UTRN: variants seen among roughly 807,000 people sequenced by gnomAD.
UTRN encodes dystrophin-related protein 1.
In UTRN, 283 loss-of-function variants were observed where a neutral mutation model predicts 463.9. The ratio of observed to expected loss-of-function variants is 0.61; its 90% CI spans 0.55 to 0.67. The LOEUF (loss-of-function observed/expected upper bound fraction) is 0.67, where lower values mean the gene tolerates loss of function less well. UTRN is among the 30% of genes least tolerant of loss of function. UTRN has a pLI of 0.00. For missense variants in UTRN, 3,922 were observed against 4,084.3 expected (o/e 0.96, Z 1.08); for synonymous variants, 1,442 against 1,431.5 (o/e 1.01, Z -0.17).
intron 2 of UTRN, among the ~76,000 whole-genome samples, chr6:144,306,541 C>G (rs1805756670): frequency 6.6e-6 from 1 of 152,004 alleles, no homozygotes; most frequent in Non-Finnish European, 1.5e-5. Flanking sequence ...TGAAGCCTTT[C>G]TTTCTAGGTT....
intron 65 of UTRN, among the ~76,000 whole-genome samples, chr6:144,809,007 T>G (rs1416901542): frequency 1.3e-5 from 2 of 152,146 alleles, no homozygotes; most frequent in East Asian, 3.8e-4. Flanking sequence ...GATTTTATTT[T>G]CTTTGGATAT....
At chr6:144,322,105 T>C (rs2114585344) in intron 2 of UTRN, among the ~76,000 whole-genome samples, 1 of 152,342 alleles carries the variant, frequency 6.6e-6, no homozygotes, top group South Asian at 2.1e-4. Context: ...GTGCTGAGCC[T>C]CTAACTCCAA....
In UTRN at chr6:144,742,999, GT is replaced by G. The variant is rs771137824; in HGVS notation, c.7940-5240del. On this transcript the variant is annotated intron_variant, in intron 54 of 74. Transcript: ENST00000367545. The stretch of plus-strand genomic sequence containing the variant: ...AGGTTGATCCTTCTATTTCACAATA[GT>G]TTTTTTGTAAGTGCTTTACACAGAT... Among the ~76,000 whole-genome samples, 47 of 152,260 alleles carry G rather than the reference GT, an allele frequency of 3.1e-4. 1 individual carries two copies. In the East Asian group the frequency reaches 5.2e-3, roughly 17 times the overall value.
intron 19 of UTRN, among the ~76,000 whole-genome samples, chr6:144,456,119 A>T (rs1234792133): frequency 6.6e-6 from 1 of 152,142 alleles, no homozygotes; most frequent in African/African-American, 2.4e-5. Flanking sequence ...TTTTTAGGAC[A>T]ACAGTGGGAA....
At chr6:144,291,025 C>T (rs1028928136) in intron 1 of UTRN, among the ~76,000 whole-genome samples, 4 of 151,794 alleles carry the variant, frequency 2.6e-5, no homozygotes, top group East Asian at 3.9e-4. Flanking sequence ...CCACCTGCCT[C>T]GGCCTCCCAA....
intron 60 of UTRN, among the ~76,000 whole-genome samples, chr6:144,775,800 G>T (rs984612119): frequency 1.3e-5 from 2 of 152,056 alleles, no homozygotes; most frequent in Admixed American, 1.3e-4. Context: ...AACACTTATG[G>T]GTGGATAAGC....
Position 144,577,212 on chromosome 6 carries a change from T to A in UTRN, c.7403T>A (p.Val2468Glu). The change falls in exon 51 of 75, where the codon GTG becomes GAG. Residue 2468 changes from valine to glutamate, a missense_variant. Val to Glu is a moderately radical substitution (Grantham distance 121). This residue lies in a region of UTRN where 1,309 missense variants were observed against 1,452.6 expected (regional missense o/e 0.90). Coordinates refer to ENST00000367545, the MANE Select transcript of UTRN (RefSeq NM_007124.3). Reference sequence around the variant, plus strand: ...CAAGAAGCAGAGACCACAGTGAATGTGCTTGTGGATGCCTCTCATCGGGAG... The same window carrying A: ...CAAGAAGCAGAGACCACAGTGAATGAGCTTGTGGATGCCTCTCATCGGGAG... ...WIQEAETTVN[V>E]LVDASHRENA... is the part of the protein sequence containing the mutation. 1 of 1,613,966 alleles carries A rather than the reference T, an allele frequency of 6.2e-7. No homozygotes were observed. The highest frequency in any genetic ancestry group is 8.5e-7 in the Non-Finnish European group (1 of 1,179,926).
intron 23 of UTRN, among the ~76,000 whole-genome samples, chr6:144,464,649 T>C (rs1045991108): frequency 2.0e-5 from 3 of 152,000 alleles, no homozygotes; most frequent in African/African-American, 4.8e-5. Flanking sequence ...TACAGGCACA[T>C]GCCACTATGC....
At chr6:144,840,055 G>T (rs1051332337) in intron 72 of UTRN, among the ~76,000 whole-genome samples, 14 of 152,040 alleles carry the variant, frequency 9.2e-5, no homozygotes, top group Non-Finnish European at 8.8e-5. Context: ...AGGCGTGGTG[G>T]AGCACTCCTG....
At chr6:144,751,517 G>T (rs916362825) in intron 55 of UTRN, among the ~76,000 whole-genome samples, 1 of 152,092 alleles carries the variant, frequency 6.6e-6, no homozygotes, top group African/African-American at 2.4e-5. Context: ...CCAGGACCCC[G>T]CATGTACCAA....
chr6:144,644,004 T>G lies in UTRN; in HGVS notation c.7480-34402T>G, dbSNP rs145756198. ...GAAAAAGGCAAAATCGATGGGAAAT[T>G]TTTCTTCTTAATATTGAATCACGTA... On this transcript the variant is annotated intron_variant, in intron 51 of 74. Coordinates refer to ENST00000367545, the MANE Select transcript of UTRN (RefSeq NM_007124.3). 5.0e-4 allele frequency among the ~76,000 whole-genome samples: 76 copies of G among 152,276 alleles called. 1 individual carries two copies. In the East Asian group the frequency reaches 0.013, roughly 27 times the overall value.
intron 53 of UTRN, among the ~76,000 whole-genome samples, chr6:144,714,572 A>G (rs1386745113): frequency 6.6e-6 from 1 of 152,166 alleles, no homozygotes; most frequent in African/African-American, 2.4e-5. Flanking sequence ...TGAGATTCTT[A>G]GTAATATTTG....
chr6:144,744,320 ATGTGTGTGTGTGTG>A lies in UTRN; in HGVS notation c.7940-3906_7940-3893del, dbSNP rs757430794. 6.5e-3 allele frequency among the ~76,000 whole-genome samples: 620 copies of A among 95,436 alleles called. 5 individuals are homozygous for A. The highest frequency in any genetic ancestry group is 0.024 in the African/African-American group (553 of 22,662). The allele number at this position is 95,436 out of a possible 152,430, so 62.6% of individuals were successfully genotyped here. A position where few individuals can be genotyped will look rare whatever the true frequency, so the allele number is the denominator to read the frequency against. On this transcript the variant is annotated intron_variant, in intron 54 of 74. Coordinates refer to ENST00000367545, the MANE Select transcript of UTRN (RefSeq NM_007124.3). ...ATGGTGTATACATATATATATATAT[ATGTGTGTGTGTGTG>A]TGTGTGTGTGTGTGTGTGTATAAAA...
At chr6:144,845,643 G>C (rs529583576) in intron 73 of UTRN, among the ~76,000 whole-genome samples, 50 of 152,270 alleles carry the variant, frequency 3.3e-4, no homozygotes, top group African/African-American at 1.1e-3. Flanking sequence ...TTTGTTACTT[G>C]CAAGAGAAGC....
chr6:144,516,706 C>A (rs879874014), intron 38 of UTRN, 105 bp from the exon 39 acceptor site: 5 of 890,114 alleles, frequency 5.6e-6, no homozygotes, highest in Non-Finnish European at 6.2e-6. Flanking sequence ...CATATCTTGA[C>A]GTATACTATA....
chr6:144,810,968 A>T (rs1778553279), intron 65 of UTRN, among the ~76,000 whole-genome samples: 1 of 152,200 alleles, frequency 6.6e-6, no homozygotes, highest in African/African-American at 2.4e-5. Context: ...GTTCAACTGT[A>T]TTCTTGTTGA....
intron 52 of UTRN, among the ~76,000 whole-genome samples, chr6:144,691,898 C>T (rs962875719): frequency 3.9e-5 from 6 of 151,918 alleles, no homozygotes; most frequent in Admixed American, 3.3e-4. Context: ...TTTTATTTAA[C>T]TTTTACTTTC....
intron 53 of UTRN, among the ~76,000 whole-genome samples, chr6:144,725,664 T>A (rs1586235802): frequency 6.6e-6 from 1 of 152,206 alleles, no homozygotes; most frequent in African/African-American, 2.4e-5. Flanking sequence ...GTTCACCAGG[T>A]GGTTGGGAAA....
Position 144,453,856 on chromosome 6 carries a change from G to A in UTRN, c.2271G>A (p.Glu757=), listed in dbSNP as rs781303432. ...ELNQTGQILV[E]QMGKEGLPTE... ...ACCAAACTGGACAAATCCTTGTGGA[G>A]CAAATGGGAAAAGGTAAGATCCTTG... The change falls in exon 19 of 75, where the codon GAG becomes GAA. Residue 757 remains glutamate, a synonymous_variant. Coordinates refer to ENST00000367545, the MANE Select transcript of UTRN (RefSeq NM_007124.3). 1 of 1,613,162 alleles carries A rather than the reference G, an allele frequency of 6.2e-7. No individual in the cohort carries two copies. Among genetic ancestry groups the A allele is most frequent in the Non-Finnish European group, 8.5e-7 (1 of 1,179,444 alleles).
Sources: gnomAD v4.1 joint callset for allele counts (sites outside exome capture counted in the v4.1 genomes callset) on GRCh38, gnomAD v4.1.1 for gene constraint, gnomAD v4.1.1 regional missense constraint, MANE v1.5 for transcripts, NCBI Gene and HGNC (gene_info 2026-07-23, HGNC 2026-07-21) for gene names.